Variants in RBFOX1 observed in about 807,000 individuals in gnomAD.
RBFOX1 encodes RNA binding fox-1 homolog 1.
A neutral mutation model predicts 57.7 loss-of-function variants in RBFOX1; 8 were observed. The observed-to-expected ratio is 0.14, with a 90% CI of 0.08 to 0.25. The LOEUF is 0.25. Among genes scored for constraint, RBFOX1 ranks in the 10% least tolerant of loss-of-function variants. RBFOX1 has a pLI of 1.00. For synonymous variants in RBFOX1, 326 were observed against 222.4 expected, an observed-to-expected ratio of 1.47 and a Z score of -4.15; for missense variants, 611 against 548.5, an observed-to-expected ratio of 1.11 and a Z score of -1.14.
Position 7,073,438 on chromosome 16 carries a change from A to G in RBFOX1, c.27+21340A>G, listed in dbSNP as rs376111639. On this transcript the variant is annotated intron_variant, in intron 4 of 15. Coordinates refer to ENST00000550418, the MANE Select transcript of RBFOX1 (RefSeq NM_018723.4). The stretch of plus-strand genomic sequence containing the variant: ...CATGAGTTAGCCGAGCGCTGCCAGA[A>G]CAAAACTCAACCACCATTTAAAGAA... Among the ~76,000 whole-genome samples the G allele has an allele frequency of 2.6e-3, 390 of 152,292 alleles. 2 individuals carry two copies. Among genetic ancestry groups the G allele is most frequent in the East Asian group, 9.5e-3 (49 of 5,160 alleles).
At chr16:7,058,527 C>T (rs1426676772) in intron 4 of RBFOX1, among the ~76,000 whole-genome samples, 2 of 152,242 alleles carry the variant, frequency 1.3e-5, no homozygotes, top group Middle Eastern at 3.4e-3. Context: ...ATGTCAAATT[C>T]CTCACCTGTA....
At chr16:7,522,273 G>A (rs1261786086) in intron 5 of RBFOX1, among the ~76,000 whole-genome samples, 5 of 152,220 alleles carry the variant, frequency 3.3e-5, no homozygotes, top group African/African-American at 1.2e-4. Context: ...AGAGTAGGGA[G>A]TGAAGAGAAA....
intron 4 of RBFOX1, among the ~76,000 whole-genome samples, chr16:7,093,972 G>A (rs888097583): frequency 2.0e-5 from 3 of 150,874 alleles, no homozygotes; most frequent in African/African-American, 7.4e-5. Flanking sequence ...ACAAAACCTG[G>A]TGAGTATTAA....
chr16:5,640,717 A>G (rs1018663476), intron 3 of RBFOX1, among the ~76,000 whole-genome samples: 1 of 150,646 alleles, frequency 6.6e-6, no homozygotes, highest in East Asian at 2.0e-4. Context: ...ACACACGTAC[A>G]CTATGCATAG....
At chr16:5,506,506 A>C (rs751910515) in intron 2 of RBFOX1, among the ~76,000 whole-genome samples, 1 of 152,168 alleles carries the variant, frequency 6.6e-6, no homozygotes, top group African/African-American at 2.4e-5. Context: ...ATGAATATAA[A>C]TAAGTACACA....
chr16:6,183,324 C>CA (rs898216976), intron 1 of RBFOX1, among the ~76,000 whole-genome samples: 10 of 151,316 alleles, frequency 6.6e-5, no homozygotes, highest in African/African-American at 1.2e-4. Context: ...ACTAAAAATA[C>CA]AAAAAATTAG....
At chr16:5,792,094 C>A (rs1196452766) in intron 3 of RBFOX1, among the ~76,000 whole-genome samples, 1 of 152,132 alleles carries the variant, frequency 6.6e-6, no homozygotes, top group East Asian at 1.9e-4. Flanking sequence ...ATTTCTGATT[C>A]CCTTAAGAGC....
chr16:7,007,743 C>G (rs981861113), intron 3 of RBFOX1, among the ~76,000 whole-genome samples: 2 of 152,172 alleles, frequency 1.3e-5, no homozygotes, highest in Admixed American at 6.5e-5. Flanking sequence ...TGAAAATCAT[C>G]TCATTTCCCT....
intron 2 of RBFOX1, among the ~76,000 whole-genome samples, chr16:5,519,742 A>C (rs1401375208): frequency 6.6e-6 from 1 of 152,108 alleles, no homozygotes; most frequent in Non-Finnish European, 1.5e-5. Flanking sequence ...AATGGCTGTT[A>C]AATACTCTAG....
chr16:7,314,156 A>G (rs1018211267), intron 4 of RBFOX1, among the ~76,000 whole-genome samples: 1 of 152,200 alleles, frequency 6.6e-6, no homozygotes, highest in East Asian at 1.9e-4. Flanking sequence ...AATCATCAGC[A>G]CTGAGAATGA....
At chr16:7,160,385 T>C (rs1430096828) in intron 4 of RBFOX1, among the ~76,000 whole-genome samples, 1 of 152,134 alleles carries the variant, frequency 6.6e-6, no homozygotes, top group East Asian at 1.9e-4. Context: ...TCTTCTTCTC[T>C]TCTGTACTTT....
chr16:6,975,807 A>T (rs1196140924), intron 3 of RBFOX1, among the ~76,000 whole-genome samples: 1 of 152,160 alleles, frequency 6.6e-6, no homozygotes, highest in Non-Finnish European at 1.5e-5. Context: ...GTGAATAAAG[A>T]TAATGGTAAT....
chr16:6,503,549 A>C (rs1030231940), intron 2 of RBFOX1, among the ~76,000 whole-genome samples: 7 of 152,192 alleles, frequency 4.6e-5, no homozygotes, highest in Admixed American at 1.3e-4. Flanking sequence ...GTCTTGACAC[A>C]CATACTTGGT....
At chr16:6,126,889 A>G (rs777003942) in intron 1 of RBFOX1, among the ~76,000 whole-genome samples, 94 of 152,334 alleles carry the variant, frequency 6.2e-4, no homozygotes, top group Middle Eastern at 3.4e-3. Flanking sequence ...GCTTACAAAG[A>G]AGCAAACAGC....
chr16:6,023,530 G>A (rs960177132), intron 1 of RBFOX1, among the ~76,000 whole-genome samples: 10 of 152,190 alleles, frequency 6.6e-5, no homozygotes, highest in African/African-American at 2.4e-4. Flanking sequence ...TTAAGCTGAT[G>A]TGTGGAGTAA....
intron 3 of RBFOX1, among the ~76,000 whole-genome samples, chr16:6,922,409 GT>G (rs1257024251): frequency 5.9e-5 from 9 of 152,210 alleles, no homozygotes; most frequent in Non-Finnish European, 2.9e-5. Context: ...GTGGCTGCTG[GT>G]TTTTGCTCTC....
At chr16:6,495,145 C>A (rs1244191579) in intron 2 of RBFOX1, among the ~76,000 whole-genome samples, 2 of 152,098 alleles carry the variant, frequency 1.3e-5, no homozygotes, top group African/African-American at 4.8e-5. Context: ...TTGAGATGAA[C>A]TTTCACTCTT....
chr16:7,310,192 G>GCCT (rs1049551542), intron 4 of RBFOX1, among the ~76,000 whole-genome samples: 1 of 152,170 alleles, frequency 6.6e-6, no homozygotes, highest in African/African-American at 2.4e-5. Flanking sequence ...CCCGCAGGCC[G>GCCT]CCTCTGCTGG....
At chr16:5,908,087 CACATATATACACAT>C (rs1567133404) in intron 4 of RBFOX1, among the ~76,000 whole-genome samples, 2 of 125,432 alleles carry the variant, frequency 1.6e-5, no homozygotes, top group African/African-American at 3.7e-5. Context: ...TATATATATA[CACATATATACACAT>C]ATATATATAC....
Sources: allele counts gnomAD v4.1 joint callset (sites outside exome capture counted in the v4.1 genomes callset), GRCh38; gene constraint gnomAD v4.1.1; transcripts MANE v1.5; gene names NCBI Gene and HGNC (gene_info 2026-07-23, HGNC 2026-07-21).